C6orf118: variants seen among roughly 807,000 people sequenced by gnomAD.
C6orf118 encodes chromosome 6 open reading frame 118.
Under a neutral mutation model 50.2 loss-of-function variants are expected in C6orf118, and 50 were observed. That is an observed-to-expected ratio of 1.00 (90% CI 0.79 to 1.26). The LOEUF (loss-of-function observed/expected upper bound fraction) is 1.26, where lower values mean the gene tolerates loss of function less well. Ranked by LOEUF, C6orf118 falls within the 50% of genes most tolerant of loss-of-function variation. The probability of loss-of-function intolerance (pLI) is 0.00; values close to 1 mark genes in which losing one functional copy is unlikely to be tolerated. For synonymous variants in C6orf118, 239 were observed against 230.9 expected (o/e 1.03, Z -0.32); for missense variants, 641 against 578.7 (o/e 1.11, Z -1.10).
chr6:165,298,223 A>C (rs1012256833), intron 4 of C6orf118, 122 bp from the exon 5 acceptor site: 2 of 1,259,296 alleles, frequency 1.6e-6, no homozygotes, highest in Non-Finnish European at 2.1e-6. Flanking sequence ...TTCTAGTTAA[A>C]ATAGGTAAAT....
chr6:165,306,555 A>G (rs943493532), intron 1 of C6orf118, among the ~76,000 whole-genome samples: 1 of 146,100 alleles, frequency 6.8e-6, no homozygotes, highest in African/African-American at 2.6e-5. Context: ...AAAAAAAAAA[A>G]AAAAAAGAAA....
rs201453173 is a variant in C6orf118, at chr6:165,300,494, A to G, written c.754-8T>C. On this transcript the variant is annotated splice_polypyrimidine_tract_variant and splice_region_variant and intron_variant, in intron 2 of 8. Coordinates refer to ENST00000230301, the MANE Select transcript of C6orf118 (RefSeq NM_144980.4). ...GCAAATTTTCTGGAGCTCCTGGAGG[A>G]AAAACAGAGTCAGCCCATTTCAGGG... 3 of 1,607,050 alleles carry G rather than the reference A, an allele frequency of 1.9e-6. No individual in the cohort carries two copies. The highest frequency in any genetic ancestry group is 4.5e-5 in the East Asian group (2 of 44,746).
rs1562342068 is a variant in C6orf118, at chr6:165,309,601, C to T, written c.-15G>A. The T allele has an allele frequency of 6.2e-7, 1 of 1,614,074 alleles. No homozygotes were observed. The highest frequency in any genetic ancestry group is 8.5e-7 in the Non-Finnish European group (1 of 1,180,040). On this transcript the variant is annotated 5_prime_UTR_variant, in exon 1 of 9. Transcript: ENST00000230301. ...TCCTCCGCCATCGCTTCCTTCCCTCCAGCTGCCTGGGCTGGGCTGTCGCCG... is the reference window on the plus strand; with the variant it reads ...TCCTCCGCCATCGCTTCCTTCCCTCTAGCTGCCTGGGCTGGGCTGTCGCCG...
Position 165,299,317 on chromosome 6 carries a change from T to C in C6orf118, c.936+126A>G, listed in dbSNP as rs921199310. The C allele has an allele frequency of 7.3e-5, 52 of 715,704 alleles. 1 individual carries two copies. The highest frequency in any genetic ancestry group is 6.8e-4 in the Admixed American group (27 of 39,788). The allele number at this position is 715,704 out of a possible 1,614,324, so 44.3% of individuals were successfully genotyped here. On this transcript the variant is annotated intron_variant, in intron 4 of 8. Coordinates refer to ENST00000230301, the MANE Select transcript of C6orf118 (RefSeq NM_144980.4). ...TAAAACTCATCTATAACAAAGAACA[T>C]ATCAGCTATTCTAAATTATGGGGCA...
intron 1 of C6orf118, among the ~76,000 whole-genome samples, chr6:165,308,779 G>A (rs530538278): frequency 1.3e-5 from 2 of 152,352 alleles, no homozygotes; most frequent in African/African-American, 4.8e-5. Flanking sequence ...CAGGTGGTCA[G>A]ATGGTCAGCT....
intron 1 of C6orf118, 99 bp from the exon 2 acceptor site, chr6:165,302,395 G>C: frequency 2.1e-6 from 3 of 1,423,194 alleles, no homozygotes; most frequent in Non-Finnish European, 2.8e-6. Context: ...GACCAAAAGA[G>C]GGTCTATGGA....
intron 7 of C6orf118, among the ~76,000 whole-genome samples, chr6:165,288,743 A>C (rs533527742): frequency 6.6e-6 from 1 of 152,252 alleles, no homozygotes; most frequent in East Asian, 1.9e-4. Flanking sequence ...ATGAGAATGC[A>C]TGGACACAGG....
chr6:165,305,840 A>C (rs1780700040), intron 1 of C6orf118, among the ~76,000 whole-genome samples: 1 of 96,704 alleles, frequency 1.0e-5, no homozygotes, highest in Non-Finnish European at 1.8e-5. Flanking sequence ...GCTGGAGAGG[A>C]TGTGGAGAAA....
intron 7 of C6orf118, among the ~76,000 whole-genome samples, chr6:165,288,605 T>G (rs887551466): frequency 6.6e-6 from 1 of 152,104 alleles, no homozygotes. Flanking sequence ...TATGCAGCCA[T>G]AAAAAGGAAT....
At chr6:165,300,288 C>G in intron 3 of C6orf118, 76 bp downstream of exon 3, 1 of 1,536,964 alleles carries the variant, frequency 6.5e-7, no homozygotes, top group South Asian at 1.2e-5. Flanking sequence ...AATTTCAGTG[C>G]GGCTTGAGAT....
intron 8 of C6orf118, 154 bp downstream of exon 8, chr6:165,281,486 C>A (rs1467854975): frequency 1.4e-6 from 2 of 1,389,128 alleles, no homozygotes; most frequent in South Asian, 1.5e-5. Flanking sequence ...CTTACTCCTG[C>A]CTCTCTTCAC....
At chr6:165,293,546 A>G (rs1021220125) in intron 5 of C6orf118, 75 bp from the exon 6 acceptor site, 2 of 1,203,216 alleles carry the variant, frequency 1.7e-6, no homozygotes, top group Non-Finnish European at 2.4e-6. Context: ...GGGTTACACC[A>G]CAAGTCTCTT....
At chr6:165,306,990 T>A (rs1016446751) in intron 1 of C6orf118, among the ~76,000 whole-genome samples, 1 of 152,178 alleles carries the variant, frequency 6.6e-6, no homozygotes, top group African/African-American at 2.4e-5. Flanking sequence ...AAGAAAGTTT[T>A]AAGAATTTAT....
chr6:165,301,789 C>T lies in C6orf118; in HGVS notation c.533G>A (p.Arg178Gln), dbSNP rs1044672333. The change falls in exon 2 of 9, where the codon CGG (arginine) becomes CAG (glutamine). Residue 178 changes from arginine to glutamine, a missense_variant. Arg to Gln is a conservative substitution (Grantham distance 43). Transcript: ENST00000230301. ...PPGWRRREEL[R>Q]LPDLKVLCYQ... ...GCACAGCACCTTCAAGTCGGGCAGC[C>T]GGAGTTCTTCCCTCCTGCGCCATCC... 48 of 1,613,902 alleles carry T rather than the reference C, an allele frequency of 3.0e-5. No homozygotes were observed. Among genetic ancestry groups the T allele is most frequent in the Non-Finnish European group, 4.1e-5 (48 of 1,180,012 alleles).
At chr6:165,298,151 G>A in intron 4 of C6orf118, 50 bp from the exon 5 acceptor site, 4 of 1,512,314 alleles carry the variant, frequency 2.6e-6, no homozygotes, top group Non-Finnish European at 3.5e-6. Context: ...GGGAGGGCGG[G>A]AGGACTCCCT....
chr6:165,292,098 T>G (rs757178005), intron 6 of C6orf118, among the ~76,000 whole-genome samples: 3 of 152,146 alleles, frequency 2.0e-5, no homozygotes, highest in Non-Finnish European at 2.9e-5. Flanking sequence ...AATAAAGTAT[T>G]TGTTCTCCGC....
chr6:165,281,447 G>C, intron 8 of C6orf118, 193 bp downstream of exon 8: 1 of 1,256,054 alleles, frequency 8.0e-7, no homozygotes, highest in African/African-American at 1.6e-5. Flanking sequence ...GCATGATACT[G>C]CTCTAGTTCT....
Position 165,300,429 on chromosome 6 carries a change from C to T in C6orf118, c.811G>A (p.Gly271Arg). ...PQQFNRLHVF[G>R]KVFEDICNSS... ...TTACAAATATCTTCAAAGACTTTTCCAAAGACGTGCAGTCTGTTGAACTGC... is the reference window on the plus strand; with the variant it reads ...TTACAAATATCTTCAAAGACTTTTCTAAAGACGTGCAGTCTGTTGAACTGC... Residue 271 changes from glycine to arginine, a missense_variant, in exon 3 of 9, where the codon GGA becomes AGA. Physicochemically the swap from Gly to Arg is moderately radical, Grantham distance 125. Coordinates refer to ENST00000230301, the MANE Select transcript of C6orf118 (RefSeq NM_144980.4). 6.2e-7 allele frequency: 1 copy of T among 1,613,950 alleles called. No individual in the cohort carries two copies.
chr6:165,289,952 T>A lies in C6orf118; in HGVS notation c.1236A>T (p.Glu412Asp), dbSNP rs745943743. The part of the protein sequence containing the change: ...KWDEIQALEK[E>D]IKTTLVHTGI... ...CAGTATGAACCAAAGTTGTTTTAAT[T>A]TCTTTTTCCAGAGCTTGTATCTCAT... The change falls in exon 7 of 9, where the codon GAA becomes GAT. Residue 412 changes from glutamate (E) to aspartate (D), a missense_variant. Physicochemically the swap from Glu to Asp is conservative, Grantham distance 45 (BLOSUM62 2). Transcript: ENST00000230301. 61 of 1,611,216 alleles carry A rather than the reference T, an allele frequency of 3.8e-5. No individual in the cohort carries two copies. The highest frequency in any genetic ancestry group is 4.9e-5 in the Non-Finnish European group (58 of 1,178,728).
Sources: allele counts gnomAD v4.1 joint callset (sites outside exome capture counted in the v4.1 genomes callset), GRCh38; gene constraint gnomAD v4.1.1; transcripts MANE v1.5; gene names NCBI Gene and HGNC (gene_info 2026-07-23, HGNC 2026-07-21).